The following TVP23A variants were observed in gnomAD, a reference collection of about 807,000 sequenced individuals.
TVP23A encodes the protein Golgi apparatus membrane protein TVP23 homolog A.
A neutral mutation model predicts 31.7 loss-of-function variants in TVP23A; 21 were observed. The ratio of observed to expected loss-of-function variants is 0.66; its 90% CI spans 0.47 to 0.95. The LOEUF is 0.95. Ranked by LOEUF, TVP23A falls within the 40% of genes least tolerant of loss-of-function variation. The probability of loss-of-function intolerance (pLI) is 0.00; values close to 1 mark genes in which losing one functional copy is unlikely to be tolerated. For synonymous variants in TVP23A, 104 were observed against 96.0 expected, an observed-to-expected ratio of 1.08 and a Z score of -0.49; for missense variants, 279 against 255.6, an observed-to-expected ratio of 1.09 and a Z score of -0.62.
At chr16:10,816,228 C>CAAAAAAAAAAAAAAA (rs760801777) in intron 2 of TVP23A, among the ~76,000 whole-genome samples, 2 of 73,828 alleles carry the variant, frequency 2.7e-5, no homozygotes, top group African/African-American at 7.5e-5. Context: ...AACCCTATCT[C>CAAAAAAAAAAAAAAA]AAAAAAAAAA....
intron 2 of TVP23A, among the ~76,000 whole-genome samples, chr16:10,814,043 A>G (rs2034324217): frequency 6.7e-6 from 1 of 148,628 alleles, no homozygotes; most frequent in South Asian, 2.1e-4. Context: ...CCCTTTCTAC[A>G]CTGCAATCTG....
chr16:10,797,955 CTTTTTTT>C (rs1162130562), intron 2 of TVP23A, among the ~76,000 whole-genome samples: 4 of 122,936 alleles, frequency 3.3e-5, no homozygotes, highest in African/African-American at 6.3e-5. Context: ...TTTTCTTTTT[CTTTTTTT>C]TTTTTTTTTT....
At chr16:10,794,516 CT>C (rs2033279299) in intron 2 of TVP23A, among the ~76,000 whole-genome samples, 1 of 152,202 alleles carries the variant, frequency 6.6e-6, no homozygotes, top group Non-Finnish European at 1.5e-5. Context: ...CCTATAACAT[CT>C]GCCTTAGGTC....
intron 2 of TVP23A, among the ~76,000 whole-genome samples, chr16:10,797,552 C>CAAA (rs34439062): frequency 0.061 from 8,419 of 138,220 alleles, 595 homozygotes; most frequent in African/African-American, 0.17. Flanking sequence ...AACTTCATCT[C>CAAA]AAAAAAAAAA....
chr16:10,785,614 G>C (rs1350195963), intron 2 of TVP23A, among the ~76,000 whole-genome samples: 3 of 152,214 alleles, frequency 2.0e-5, no homozygotes, highest in Admixed American at 2.0e-4. Context: ...ACACACTCAG[G>C]AGATCCTGAC....
chr16:10,770,210 A>G, intron 7 of TVP23A, 62 bp downstream of exon 7: 1 of 1,542,870 alleles, frequency 6.5e-7, no homozygotes, highest in South Asian at 1.2e-5. Flanking sequence ...CCTGTGCCCC[A>G]AGAGCTGCAT....
chr16:10,766,738 G>A lies in TVP23A; in HGVS notation c.*2364C>T, dbSNP rs1184457794. The stretch of plus-strand genomic sequence containing the variant: ...CAACTCCACGGTGTGGGAGGAGAAC[G>A]GGCCTGAGAATAGGGGCTCAAAGGC... On this transcript the variant is annotated 3_prime_UTR_variant, in exon 8 of 8. Transcript: ENST00000299866. This position sits in a 1 kb window ranked among gnomAD's most constrained non-coding sequence, Gnocchi z 4.8. 7 of 393,384 alleles carry A rather than the reference G, an allele frequency of 1.8e-5. No individual in the cohort carries two copies. Among genetic ancestry groups the A allele is most frequent in the Admixed American group, 1.3e-4 (3 of 22,552 alleles). 24.4% of individuals were successfully genotyped at this position (393,384 alleles called of 1,614,324 possible). A position where few individuals can be genotyped will look rare whatever the true frequency, so the allele number is the denominator to read the frequency against.
In TVP23A at chr16:10,779,137, G is replaced by A. The variant is rs2032266530; in HGVS notation, c.90-4041C>T. Among the ~76,000 whole-genome samples the A allele has an allele frequency of 6.6e-6, 1 of 152,136 alleles. No homozygotes were observed. The highest frequency in any genetic ancestry group is 2.4e-5 in the African/African-American group (1 of 41,424). On this transcript the variant is annotated intron_variant, in intron 2 of 7. Transcript: ENST00000299866. This position sits in a 1 kb window ranked among gnomAD's most constrained non-coding sequence, Gnocchi z 4.9. ...GCAGAAAAATTTCCAGTTGTTGATA[G>A]CTTCCACTTAGCTGGGCCCTGATTA...
At chr16:10,780,578 G>C (rs114138499) in intron 2 of TVP23A, among the ~76,000 whole-genome samples, 288 of 152,220 alleles carry the variant, frequency 1.9e-3, no homozygotes, top group African/African-American at 6.4e-3. Flanking sequence ...GGGCTTGGGC[G>C]CTAGACCACC....
rs76208915 is a variant in TVP23A at position 10,779,098 on chromosome 16, T to C, written c.90-4002A>G. Among the ~76,000 whole-genome samples the C allele has an allele frequency of 2.6e-5, 4 of 152,178 alleles. No homozygotes were observed. Among genetic ancestry groups the C allele is most frequent in the African/African-American group, 9.7e-5 (4 of 41,416 alleles). ...TCTTTTTTCTTTTTGGCTGTGGCTC[T>C]CCTAAAATAAAATGCAGAAAAATTT... On this transcript the variant is annotated intron_variant, in intron 2 of 7. Transcript: ENST00000299866. This position sits in a 1 kb window ranked among gnomAD's most constrained non-coding sequence, Gnocchi z 4.9.
intron 2 of TVP23A, among the ~76,000 whole-genome samples, chr16:10,784,170 C>G (rs1016192641): frequency 2.0e-5 from 3 of 151,708 alleles, no homozygotes; most frequent in Non-Finnish European, 4.4e-5. Context: ...CCTGTCTCTA[C>G]TAAAAATACA....
intron 2 of TVP23A, among the ~76,000 whole-genome samples, chr16:10,803,268 T>TGTGTGTGTGTGTGTGTGTGTGTGTGCGC (rs1555485950): frequency 1.3e-5 from 2 of 151,302 alleles, no homozygotes; most frequent in East Asian, 2.0e-4. Context: ...TGTGTGTGTG[T>TGTGTGTGTGTGTGTGTGTGTGTGTGCGC]GTGTGTGTGT....
At chr16:10,763,444 C>G (rs1316944837), downstream of TVP23A, 2 of 152,284 alleles carry the variant, frequency 1.3e-5, no homozygotes, top group East Asian at 3.9e-4. Context: ...TCCCCAAATC[C>G]TTTTTCCCTT....
At chr16:10,793,759 C>T (rs1424777718) in intron 2 of TVP23A, among the ~76,000 whole-genome samples, 2 of 151,434 alleles carry the variant, frequency 1.3e-5, no homozygotes, top group South Asian at 2.1e-4. Flanking sequence ...CCTAGCTGGG[C>T]ATGGTGGCAT....
chr16:10,766,008 T>A (rs151228245), downstream of TVP23A: 14 of 152,420 alleles, frequency 9.2e-5, no homozygotes, highest in African/African-American at 3.4e-4. This position sits in a 1 kb window ranked among gnomAD's most constrained non-coding sequence, Gnocchi z 4.8. Flanking sequence ...TCTGGCAAGG[T>A]CACTGGGGAC....
intron 2 of TVP23A, among the ~76,000 whole-genome samples, chr16:10,790,874 T>C (rs2033065586): frequency 6.6e-6 from 1 of 152,190 alleles, no homozygotes. Flanking sequence ...TGTCCAGTAT[T>C]AAGGTCCCTG....
In TVP23A at chr16:10,818,292, A is replaced by G. The variant is rs953079423; in HGVS notation, c.10-110T>C. 101 of 1,294,474 alleles carry G rather than the reference A, an allele frequency of 7.8e-5. No homozygotes were observed. Among genetic ancestry groups the G allele is most frequent in the Non-Finnish European group, 9.6e-5 (89 of 928,406 alleles). 80.2% of individuals were successfully genotyped at this position (1,294,474 alleles called of 1,614,324 possible). A position where few individuals can be genotyped will look rare whatever the true frequency, so the allele number is the denominator to read the frequency against. On this transcript the variant is annotated intron_variant, in intron 1 of 7. Coordinates refer to ENST00000299866, the MANE Select transcript of TVP23A (RefSeq NM_001079512.4). This position sits in a 1 kb window ranked among gnomAD's most constrained non-coding sequence, Gnocchi z 4.7. ...CCACTTGCACCCCACCGGGTTCCCAAGTGGACCCTCCGAGCTGGCGGGGCC... is the reference window on the plus strand; with the variant it reads ...CCACTTGCACCCCACCGGGTTCCCAGGTGGACCCTCCGAGCTGGCGGGGCC...
intron 2 of TVP23A, among the ~76,000 whole-genome samples, chr16:10,787,152 C>T (rs1188152177): frequency 6.6e-6 from 1 of 152,194 alleles, no homozygotes; most frequent in Non-Finnish European, 1.5e-5. Context: ...GCCCCACGCT[C>T]CTGCTCCATG....
chr16:10,792,471 A>T (rs2033158338), intron 2 of TVP23A, among the ~76,000 whole-genome samples: 1 of 151,574 alleles, frequency 6.6e-6, no homozygotes, highest in South Asian at 2.1e-4. Flanking sequence ...CCACAACCCC[A>T]CCCCCAGGCC....
Sources: gnomAD v4.1 joint callset for allele counts (sites outside exome capture counted in the v4.1 genomes callset) on GRCh38, gnomAD v4.1.1 for gene constraint, Gnocchi (gnomAD v3.1) non-coding constraint, MANE v1.5 for transcripts, NCBI Gene and HGNC (gene_info 2026-07-23, HGNC 2026-07-21) for gene names.